FGGY: variants seen among roughly 807,000 people sequenced by gnomAD.
FGGY encodes FGGY carbohydrate kinase domain containing.
Under a neutral mutation model 71.3 loss-of-function variants are expected in FGGY, and 72 were observed. The ratio of observed to expected loss-of-function variants is 1.01; its 90% confidence interval spans 0.84 to 1.23. The LOEUF (loss-of-function observed/expected upper bound fraction) is 1.23, where lower values mean the gene tolerates loss of function less well. FGGY is among the 50% of genes most tolerant of loss of function. The probability of loss-of-function intolerance (pLI) is 0.00; values close to 1 mark genes in which losing one functional copy is unlikely to be tolerated. For missense variants in FGGY, 668 were observed against 682.3 expected (o/e 0.98, Z 0.23); for synonymous variants, 251 against 250.3 (o/e 1.00, Z -0.02).
chr1:59,607,895 C>A lies in FGGY; in HGVS notation c.996C>A (p.Ser332Arg). ...PGFWLNEGGQ[S>R]VTGKLIDHMV... The stretch of plus-strand genomic sequence containing the variant: ...TCTGGCTGAATGAAGGTGGTCAGAG[C>A]GTTACTGGAAAATTGGTAAGTTGAC... The change falls in exon 9 of 16, where the codon AGC becomes AGA. Residue 332 changes from serine (S) to arginine (R), a missense_variant. Ser to Arg is a moderately radical substitution (Grantham distance 110). Coordinates refer to ENST00000303721, the MANE Select transcript of FGGY (RefSeq NM_018291.5). The A allele has an allele frequency of 6.2e-7, 1 of 1,613,638 alleles. No homozygotes were observed. The highest frequency in any genetic ancestry group is 1.1e-5 in the South Asian group (1 of 91,038).
At chr1:59,700,135 T>A (rs2097697986) in intron 14 of FGGY, among the ~76,000 whole-genome samples, 1 of 152,240 alleles carries the variant, frequency 6.6e-6, no homozygotes. Flanking sequence ...CTTATAAAAC[T>A]GTTTTTGTAC....
At chr1:59,740,404 T>C (rs2098137944) in intron 14 of FGGY, among the ~76,000 whole-genome samples, 1 of 152,216 alleles carries the variant, frequency 6.6e-6, no homozygotes, top group Non-Finnish European at 1.5e-5. Flanking sequence ...ACAACTGCCA[T>C]TAAATCTCCC....
intron 8 of FGGY, among the ~76,000 whole-genome samples, chr1:59,569,096 G>T (rs1247800596): frequency 6.6e-6 from 1 of 152,150 alleles, no homozygotes; most frequent in African/African-American, 2.4e-5. Context: ...TAAAAATTAT[G>T]ACAGCTAGGA....
chr1:59,634,623 C>T (rs796162296), intron 10 of FGGY, among the ~76,000 whole-genome samples: 21 of 151,928 alleles, frequency 1.4e-4, no homozygotes, highest in African/African-American at 5.1e-4. Context: ...TGAGAGATTT[C>T]AGGGATGTTG....
At chr1:59,572,074 C>T (rs1369287872) in intron 8 of FGGY, among the ~76,000 whole-genome samples, 1 of 152,120 alleles carries the variant, frequency 6.6e-6, no homozygotes, top group African/African-American at 2.4e-5. Context: ...CTGAAGGATA[C>T]ATGAGTACTT....
chr1:59,538,297 C>T (rs1350072940), intron 7 of FGGY, among the ~76,000 whole-genome samples: 1 of 150,768 alleles, frequency 6.6e-6, no homozygotes, highest in Non-Finnish European at 1.5e-5. Flanking sequence ...CAATGAGATA[C>T]CATCTCACAC....
At chr1:59,635,766 T>A (rs1459365079) in intron 10 of FGGY, among the ~76,000 whole-genome samples, 2 of 152,222 alleles carry the variant, frequency 1.3e-5, no homozygotes, top group African/African-American at 4.8e-5. Flanking sequence ...TTGTTCTGGC[T>A]GTACCTTGTA....
At chr1:59,298,255 G>T (rs919816460) in intron 1 of FGGY, among the ~76,000 whole-genome samples, 8 of 152,106 alleles carry the variant, frequency 5.3e-5, no homozygotes, top group African/African-American at 1.7e-4. Context: ...CTTGGCTCTT[G>T]ACCTGATGGC....
intron 11 of FGGY, among the ~76,000 whole-genome samples, chr1:59,653,713 C>T (rs1042544223): frequency 1.3e-5 from 2 of 152,254 alleles, no homozygotes; most frequent in Non-Finnish European, 2.9e-5. Flanking sequence ...CACCCGTCTT[C>T]TGCGTTGCTC....
chr1:59,355,536 T>C (rs1180302554), intron 4 of FGGY, among the ~76,000 whole-genome samples: 1 of 150,604 alleles, frequency 6.6e-6, no homozygotes, highest in Non-Finnish European at 1.5e-5. Context: ...AACACTTCAT[T>C]ATTGAGCAAG....
At chr1:59,433,367 T>G (rs535401284) in intron 5 of FGGY, among the ~76,000 whole-genome samples, 7 of 152,336 alleles carry the variant, frequency 4.6e-5, no homozygotes, top group Admixed American at 1.3e-4. Flanking sequence ...AGTGTTCATA[T>G]CCGAAAAGGG....
intron 6 of FGGY, among the ~76,000 whole-genome samples, chr1:59,507,604 C>T (rs1307748507): frequency 1.3e-5 from 2 of 151,642 alleles, no homozygotes; most frequent in African/African-American, 2.4e-5. Context: ...GCAACCTCTG[C>T]CTTCCTGGGT....
chr1:59,349,992 C>G (rs1253182158), intron 4 of FGGY, among the ~76,000 whole-genome samples: 2 of 152,028 alleles, frequency 1.3e-5, no homozygotes, highest in Non-Finnish European at 2.9e-5. Flanking sequence ...TGCTCCCCTA[C>G]CCTGAAAAGC....
At position 59,667,317 on chromosome 1, in the gene FGGY, C is replaced by T. The variant is rs771867974; in HGVS notation, c.1331C>T (p.Ala444Val). Residue 444 changes from alanine (A) to valine (V), a missense_variant, in exon 13 of 16, where the codon GCA (alanine) becomes GTA (valine). Coordinates refer to ENST00000303721, the MANE Select transcript of FGGY (RefSeq NM_018291.5). ...CGCTTCATTATAGAAGCCATGGAGGCAGCAGGGCACTCAATCAGTACTCTT... is the reference window on the plus strand; with the variant it reads ...CGCTTCATTATAGAAGCCATGGAGGTAGCAGGGCACTCAATCAGTACTCTT... ...GTRFIIEAME[A>V]AGHSISTLFL... The T allele has an allele frequency of 6.2e-7, 1 of 1,614,148 alleles. No homozygotes were observed. Among genetic ancestry groups the T allele is most frequent in the Non-Finnish European group, 8.5e-7 (1 of 1,180,002 alleles).
chr1:59,693,711 GA>G (rs2097619277), intron 14 of FGGY, among the ~76,000 whole-genome samples: 1 of 152,074 alleles, frequency 6.6e-6, no homozygotes, highest in African/African-American at 2.4e-5. Flanking sequence ...TACGTGCACA[GA>G]ACTGGGAAAG....
chr1:59,412,728 A>C (rs2063782884), intron 5 of FGGY, among the ~76,000 whole-genome samples: 2 of 152,210 alleles, frequency 1.3e-5, no homozygotes. Flanking sequence ...TTGATCTTAT[A>C]GAAGTTATTG....
intron 7 of FGGY, among the ~76,000 whole-genome samples, chr1:59,513,495 C>G (rs1251265394): frequency 6.6e-6 from 1 of 152,202 alleles, no homozygotes; most frequent in Non-Finnish European, 1.5e-5. Context: ...ACTGCAAGAC[C>G]CATATCAGAT....
chr1:59,538,962 T>A (rs555183895), intron 7 of FGGY, among the ~76,000 whole-genome samples: 32 of 152,038 alleles, frequency 2.1e-4, no homozygotes, highest in South Asian at 2.1e-4. Flanking sequence ...AACCTGCACA[T>A]TGTGCACATG....
intron 14 of FGGY, among the ~76,000 whole-genome samples, chr1:59,741,816 G>A (rs1573925502): frequency 6.6e-6 from 1 of 152,046 alleles, no homozygotes; most frequent in Non-Finnish European, 1.5e-5. Flanking sequence ...GCAGGCACCT[G>A]TAGTCCCAGC....
Sources: allele counts gnomAD v4.1 joint callset (sites outside exome capture counted in the v4.1 genomes callset), GRCh38; gene constraint gnomAD v4.1.1; transcripts MANE v1.5; gene names NCBI Gene and HGNC (gene_info 2026-07-23, HGNC 2026-07-21).